The following DLGAP1 variants were observed in gnomAD, a reference collection of about 807,000 sequenced individuals.
The protein encoded by DLGAP1 is DLG associated protein 1.
In DLGAP1, 11 loss-of-function variants were observed where a neutral mutation model predicts 90.8. The observed-to-expected ratio is 0.12, with a 90% CI of 0.08 to 0.20. DLGAP1 has a LOEUF of 0.20. DLGAP1 is among the 10% of genes least tolerant of loss of function. DLGAP1 has a pLI of 1.00. For synonymous variants in DLGAP1, 558 were observed against 540.7 expected, an observed-to-expected ratio of 1.03 and a Z score of -0.44; for missense variants, 1,050 against 1,333.8, an observed-to-expected ratio of 0.79 and a Z score of 3.31.
intron 10 of DLGAP1, among the ~76,000 whole-genome samples, chr18:3,514,730 A>C (rs2050731924): frequency 6.6e-6 from 1 of 152,174 alleles, no homozygotes; most frequent in East Asian, 1.9e-4. Flanking sequence ...TGTCACAAAA[A>C]AGTACCTAAT....
At chr18:4,439,105 G>A (rs280996) in intron 1 of DLGAP1, among the ~76,000 whole-genome samples, 34,056 of 152,114 alleles carry the variant, frequency 0.22, 4,607 homozygotes, top group Non-Finnish European at 0.29. Context: ...CTGCTGAGGT[G>A]AGTCACCTGC....
intron 4 of DLGAP1, among the ~76,000 whole-genome samples, chr18:3,869,849 T>A (rs1368583318): frequency 6.6e-6 from 1 of 152,250 alleles, no homozygotes; most frequent in East Asian, 1.9e-4. Flanking sequence ...AAACTTGGAA[T>A]ATTTTCACAC....
At position 3,833,206 on chromosome 18, in the gene DLGAP1, C is replaced by A; in HGVS notation, c.958-18933G>T. On this transcript the variant is annotated intron_variant, in intron 4 of 12. Coordinates refer to ENST00000315677, the MANE Select transcript of DLGAP1 (RefSeq NM_004746.4). Reference sequence around the variant, plus strand: ...CCTTCCTTCCTTCCTTCCTTCCTTCCTTCCTTCCTTCCTTCCTTCCTTCCT... The same window carrying A: ...CCTTCCTTCCTTCCTTCCTTCCTTCATTCCTTCCTTCCTTCCTTCCTTCCT... Among the ~76,000 whole-genome samples the A allele has an allele frequency of 3.0e-3, 62 of 20,934 alleles. 1 individual carries two copies. The highest frequency in any genetic ancestry group is 9.7e-3 in the African/African-American group (62 of 6,414). The allele number at this position is 20,934 out of a possible 152,430, so 13.7% of individuals were successfully genotyped here.
chr18:3,521,865 T>C (rs1212291364), intron 10 of DLGAP1, among the ~76,000 whole-genome samples: 3 of 152,230 alleles, frequency 2.0e-5, no homozygotes, highest in African/African-American at 7.2e-5. Flanking sequence ...CTACCTGTGA[T>C]ATTCTGATCC....
chr18:3,855,307 G>A (rs950710766), intron 4 of DLGAP1, among the ~76,000 whole-genome samples: 2 of 152,090 alleles, frequency 1.3e-5, no homozygotes, highest in African/African-American at 2.4e-5. Flanking sequence ...GGAAGGTGAA[G>A]ATCAAAAAGC....
In DLGAP1 at chr18:3,498,351, C is replaced by CA. The variant is rs1389244467; in HGVS notation, c.*833dup. On this transcript the variant is annotated 3_prime_UTR_variant, in exon 13 of 13. Coordinates refer to ENST00000315677, the MANE Select transcript of DLGAP1 (RefSeq NM_004746.4). ...GGTCTAGATTTTCTTAATAATAGAA[C>CA]AAAAAAATCCCTTATGTAGTATACT... 13 of 152,168 alleles carry CA rather than the reference C, an allele frequency of 8.5e-5. No individual in the cohort carries two copies. In the South Asian group the frequency reaches 1.5e-3, roughly 17 times the overall value. The allele number at this position is 152,168 out of a possible 1,614,324, so 9.4% of individuals were successfully genotyped here. A position where few individuals can be genotyped will look rare whatever the true frequency, so the allele number is the denominator to read the frequency against.
At chr18:3,714,331 AG>A (rs1005252548) in intron 7 of DLGAP1, among the ~76,000 whole-genome samples, 1 of 152,208 alleles carries the variant, frequency 6.6e-6, no homozygotes, top group Non-Finnish European at 1.5e-5. Context: ...TGTTTTGAAT[AG>A]TCCATTGTTT....
intron 7 of DLGAP1, chr18:3,604,392 C>T (rs556955): frequency 0.8 from 122,252 of 152,134 alleles, 49,385 homozygotes; most frequent in African/African-American, 0.87. Context: ...TCTGGAGTTA[C>T]ATGTTTTTCT....
chr18:3,999,116 A>G (rs557883115), intron 3 of DLGAP1, among the ~76,000 whole-genome samples: 1 of 152,022 alleles, frequency 6.6e-6, no homozygotes, highest in East Asian at 1.9e-4. Flanking sequence ...CTACCTTTAA[A>G]TATTTTATTT....
chr18:3,796,122 C>T (rs1174532701), intron 5 of DLGAP1, among the ~76,000 whole-genome samples: 4 of 152,100 alleles, frequency 2.6e-5, no homozygotes, highest in African/African-American at 9.7e-5. Context: ...ACTGATATCG[C>T]CCTTCTGTAT....
chr18:3,772,850 G>A (rs1327452758), intron 5 of DLGAP1, among the ~76,000 whole-genome samples: 2 of 152,166 alleles, frequency 1.3e-5, no homozygotes, highest in Middle Eastern at 3.4e-3. Context: ...ATTCTTAACT[G>A]CACTAAAGTT....
At chr18:4,097,674 A>T (rs1030220944) in intron 2 of DLGAP1, among the ~76,000 whole-genome samples, 1 of 152,234 alleles carries the variant, frequency 6.6e-6, no homozygotes, top group African/African-American at 2.4e-5. Context: ...ACTCTAGCAC[A>T]CAAAACAATT....
At chr18:3,994,940 G>A (rs1163068084) in intron 3 of DLGAP1, among the ~76,000 whole-genome samples, 3 of 152,144 alleles carry the variant, frequency 2.0e-5, no homozygotes, top group African/African-American at 7.2e-5. Flanking sequence ...TTTAAAAAGC[G>A]AGAGAACTTA....
At chr18:4,441,683 C>T (rs912417004) in intron 1 of DLGAP1, among the ~76,000 whole-genome samples, 2 of 152,182 alleles carry the variant, frequency 1.3e-5, no homozygotes, top group Non-Finnish European at 2.9e-5. Flanking sequence ...AGAGAAGTGA[C>T]ACTTCAAGAA....
chr18:3,794,652 T>G (rs573484561), intron 5 of DLGAP1, among the ~76,000 whole-genome samples: 17 of 152,324 alleles, frequency 1.1e-4, no homozygotes, highest in Admixed American at 4.6e-4. Context: ...GTCATTCATG[T>G]GGGACCATAC....
intron 1 of DLGAP1, among the ~76,000 whole-genome samples, chr18:4,403,043 C>A (rs1481868099): frequency 6.6e-6 from 1 of 152,076 alleles, no homozygotes; most frequent in Non-Finnish European, 1.5e-5. Flanking sequence ...CTTACCATTT[C>A]TTTTTCTTCT....
At chr18:3,990,254 C>T (rs1402293334) in intron 3 of DLGAP1, among the ~76,000 whole-genome samples, 1 of 151,874 alleles carries the variant, frequency 6.6e-6, no homozygotes, top group Non-Finnish European at 1.5e-5. Context: ...CAATGATAGA[C>T]TGGATTAAGA....
intron 3 of DLGAP1, among the ~76,000 whole-genome samples, chr18:3,953,689 T>C (rs922905171): frequency 5.3e-5 from 8 of 152,240 alleles, no homozygotes; most frequent in Non-Finnish European, 1.2e-4. Context: ...TCTTTCTCTT[T>C]GGTTATATAC....
intron 7 of DLGAP1, among the ~76,000 whole-genome samples, chr18:3,643,999 A>C (rs1188865997): frequency 6.6e-6 from 1 of 152,198 alleles, no homozygotes; most frequent in East Asian, 1.9e-4. Flanking sequence ...ACACACACAA[A>C]AACTGTACTT....
Sources: allele counts gnomAD v4.1 joint callset (sites outside exome capture counted in the v4.1 genomes callset), GRCh38; gene constraint gnomAD v4.1.1; transcripts MANE v1.5; gene names NCBI Gene and HGNC (gene_info 2026-07-23, HGNC 2026-07-21).